ANO3: variants seen among roughly 807,000 people sequenced by gnomAD.
The protein encoded by ANO3 is anoctamin-3.
ANO3 carries 99 observed loss-of-function variants against 144.8 expected under a neutral mutation model. The ratio of observed to expected loss-of-function variants is 0.68; its 90% CI spans 0.58 to 0.81. The LOEUF is 0.81. Ranked by LOEUF, ANO3 falls within the 30% of genes least tolerant of loss-of-function variation. ANO3 has a pLI of 0.00. For missense variants in ANO3, 905 were observed against 1,202.2 expected (o/e 0.75, Z 3.66); for synonymous variants, 414 against 392.6 (o/e 1.05, Z -0.64).
At chr11:26,439,652 T>C (rs955676695) in intron 1 of ANO3, among the ~76,000 whole-genome samples, 7 of 152,346 alleles carry the variant, frequency 4.6e-5, no homozygotes, top group African/African-American at 1.7e-4. Context: ...TAAAAACTTT[T>C]AACTCCGAAA....
At chr11:26,371,695 G>C (rs564932220) in intron 1 of ANO3, among the ~76,000 whole-genome samples, 1 of 152,326 alleles carries the variant, frequency 6.6e-6, no homozygotes, top group Non-Finnish European at 1.5e-5. Flanking sequence ...TATGAGCCAT[G>C]GAGTCAAAGG....
intron 1 of ANO3, among the ~76,000 whole-genome samples, chr11:26,241,774 T>C (rs1029065415): frequency 6.6e-6 from 1 of 152,200 alleles, no homozygotes; most frequent in African/African-American, 2.4e-5. Flanking sequence ...GACAAGGCAA[T>C]TGAGGCACAG....
chr11:26,581,726 A>G (rs1851139736), intron 14 of ANO3, among the ~76,000 whole-genome samples: 1 of 151,306 alleles, frequency 6.6e-6, no homozygotes, highest in African/African-American at 2.4e-5. Flanking sequence ...AAAAGAAACA[A>G]GATGCCATGC....
intron 17 of ANO3, among the ~76,000 whole-genome samples, chr11:26,624,217 A>G (rs1025637363): frequency 2.6e-5 from 4 of 152,210 alleles, no homozygotes; most frequent in African/African-American, 9.6e-5. Flanking sequence ...TCGTTATTAC[A>G]GATTACAAGT....
intron 1 of ANO3, among the ~76,000 whole-genome samples, chr11:26,267,205 C>CG (rs1853335571): frequency 5.3e-5 from 8 of 152,002 alleles, no homozygotes; most frequent in Admixed American, 5.2e-4. Flanking sequence ...CACACACACC[C>CG]CCAAAATGTC....
chr11:26,502,659 C>T (rs1468359652), intron 4 of ANO3, among the ~76,000 whole-genome samples: 2 of 152,074 alleles, frequency 1.3e-5, no homozygotes, highest in African/African-American at 2.4e-5. Context: ...TGACATTCTT[C>T]ATGTCTTTAT....
chr11:26,402,351 A>G (rs1287472557), intron 1 of ANO3, among the ~76,000 whole-genome samples: 1 of 152,006 alleles, frequency 6.6e-6, no homozygotes, highest in Non-Finnish European at 1.5e-5. Context: ...GTGAGATGTT[A>G]TCTCATTGTG....
At chr11:26,570,503 T>C (rs1014107347) in intron 14 of ANO3, among the ~76,000 whole-genome samples, 1 of 152,102 alleles carries the variant, frequency 6.6e-6, no homozygotes, top group African/African-American at 2.4e-5. Flanking sequence ...AATTAACCCA[T>C]ATAAGGGCAA....
At chr11:26,262,269 C>T (rs180990386) in intron 1 of ANO3, among the ~76,000 whole-genome samples, 1 of 152,262 alleles carries the variant, frequency 6.6e-6, no homozygotes, top group African/African-American at 2.4e-5. Flanking sequence ...GTACTCTTCT[C>T]CCTGATTGAA....
chr11:26,645,397 A>G (rs938401455), intron 23 of ANO3, among the ~76,000 whole-genome samples: 1 of 151,872 alleles, frequency 6.6e-6, no homozygotes, highest in African/African-American at 2.4e-5. Flanking sequence ...TTAATAAACT[A>G]TAGTTTTTAA....
chr11:26,446,800 G>T (rs531813610), intron 3 of ANO3, among the ~76,000 whole-genome samples: 2 of 152,036 alleles, frequency 1.3e-5, no homozygotes, highest in Non-Finnish European at 2.9e-5. Context: ...ACATCATGGG[G>T]GTTCAACAAA....
chr11:26,480,898 A>G (rs1860189686), intron 4 of ANO3, among the ~76,000 whole-genome samples: 1 of 152,154 alleles, frequency 6.6e-6, no homozygotes, highest in South Asian at 2.1e-4. Context: ...GTTAGAACAC[A>G]TGAATTTGAA....
intron 11 of ANO3, among the ~76,000 whole-genome samples, chr11:26,543,223 C>T (rs968827118): frequency 6.6e-6 from 1 of 151,972 alleles, no homozygotes; most frequent in South Asian, 2.1e-4. Flanking sequence ...CAAACCATGG[C>T]CCAAGAAAGA....
intron 1 of ANO3, among the ~76,000 whole-genome samples, chr11:26,365,973 TATATATATATATATATA>T (rs1856062863): frequency 4.1e-4 from 22 of 53,422 alleles, no homozygotes; most frequent in African/African-American, 1.1e-3. Flanking sequence ...TATATATATA[TATATATATATATATATA>T]TATATATATA....
At chr11:26,457,571 C>G (rs1859216040) in intron 3 of ANO3, among the ~76,000 whole-genome samples, 1 of 152,040 alleles carries the variant, frequency 6.6e-6, no homozygotes, top group Non-Finnish European at 1.5e-5. Flanking sequence ...TAGATTCTTG[C>G]ATTTAATCCT....
At chr11:26,425,293 C>A (rs1272271444) in intron 1 of ANO3, among the ~76,000 whole-genome samples, 1 of 152,140 alleles carries the variant, frequency 6.6e-6, no homozygotes, top group Non-Finnish European at 1.5e-5. Flanking sequence ...TCTGTTCAAC[C>A]ATGTCTTATT....
At chr11:26,545,795 C>T (rs1565094721) in intron 11 of ANO3, among the ~76,000 whole-genome samples, 1 of 151,644 alleles carries the variant, frequency 6.6e-6, no homozygotes, top group Non-Finnish European at 1.5e-5. Context: ...CTCTTCCTCC[C>T]TCTTCCTCCT....
At chr11:26,387,082 G>T (rs1856753292) in intron 1 of ANO3, among the ~76,000 whole-genome samples, 1 of 150,846 alleles carries the variant, frequency 6.6e-6, no homozygotes, top group Admixed American at 6.7e-5. Flanking sequence ...GTAAGAGACA[G>T]AGAGAAAGAG....
chr11:26,494,268 C>T (rs923817921), intron 4 of ANO3, among the ~76,000 whole-genome samples: 17 of 151,538 alleles, frequency 1.1e-4, no homozygotes, highest in African/African-American at 4.1e-4. Flanking sequence ...AGAAAGAATG[C>T]CATGCTGTAT....
Sources: gnomAD v4.1 joint callset for allele counts (sites outside exome capture counted in the v4.1 genomes callset) on GRCh38, gnomAD v4.1.1 for gene constraint, MANE v1.5 for transcripts, NCBI Gene and HGNC (gene_info 2026-07-23, HGNC 2026-07-21) for gene names.